Variants in GAS2L2 observed in about 807,000 individuals in gnomAD.
GAS2L2 encodes growth arrest specific 2 like 2.
Under a neutral mutation model 35.2 loss-of-function variants are expected in GAS2L2, and 21 were observed. That is an observed-to-expected ratio of 0.60 (90% CI 0.42 to 0.86). The LOEUF (loss-of-function observed/expected upper bound fraction) is 0.86. Among genes scored for constraint, GAS2L2 ranks in the 40% least tolerant of loss-of-function variants. The pLI, the probability that GAS2L2 is intolerant of heterozygous loss-of-function variation, is 0.00. For synonymous variants in GAS2L2, 490 were observed against 473.2 expected (o/e 1.04, Z -0.46); for missense variants, 1,169 against 1,144.4 (o/e 1.02, Z -0.31).
chr17:35,744,832 C>A lies in GAS2L2; in HGVS notation c.*22G>T. ...CATGGCCATCCTTTTTGCTTCCCTC[C>A]TACCCAACACGCTCATGTGCCTCAG... On this transcript the variant is annotated 3_prime_UTR_variant, in exon 6 of 6. Coordinates refer to ENST00000604641, the MANE Select transcript of GAS2L2 (RefSeq NM_139285.4). 6.5e-7 allele frequency: 1 copy of A among 1,533,442 alleles called. No homozygotes were observed. Among genetic ancestry groups the A allele is most frequent in the Non-Finnish European group, 8.8e-7 (1 of 1,133,402 alleles). The allele number at this position is 1,533,442 out of a possible 1,614,324, so 95.0% of individuals were successfully genotyped here. A position where few individuals can be genotyped will look rare whatever the true frequency, so the allele number is the denominator to read the frequency against.
chr17:35,747,526 G>A (rs1322385566), intron 4 of GAS2L2, among the ~76,000 whole-genome samples: 2 of 152,142 alleles, frequency 1.3e-5, no homozygotes, highest in Non-Finnish European at 2.9e-5. Context: ...TGGAGGCGTT[G>A]ATGGAGATTA....
At position 35,752,881 on chromosome 17, in the gene GAS2L2, A is replaced by G. The variant is rs1598397471; in HGVS notation, c.-31T>C. 2 of 1,536,674 alleles carry G rather than the reference A, an allele frequency of 1.3e-6. No individual in the cohort carries two copies. Among genetic ancestry groups the G allele is most frequent in the Admixed American group, 3.7e-5 (2 of 54,736 alleles). On this transcript the variant is annotated 5_prime_UTR_variant, in exon 1 of 6. Transcript: ENST00000604641. ...GACCCCAGCAGGGCAGGAGGTGGGC[A>G]CCTCCCCTCTCCCACTGCCGCCTCT...
In GAS2L2 at chr17:35,746,316, T is replaced by C. The variant is rs2085668148; in HGVS notation, c.1181A>G (p.Asp394Gly). 3 of 1,401,568 alleles carry C rather than the reference T, an allele frequency of 2.1e-6. No individual in the cohort carries two copies. The highest frequency in any genetic ancestry group is 2.8e-6 in the Non-Finnish European group (3 of 1,072,860). 86.8% of individuals were successfully genotyped at this position (1,401,568 alleles called of 1,614,324 possible). The change falls in exon 6 of 6, where the codon GAC (aspartate) becomes GGC (glycine). Residue 394 changes from aspartate (D) to glycine (G), a missense_variant. Coordinates refer to ENST00000604641, the MANE Select transcript of GAS2L2 (RefSeq NM_139285.4). ...CTTTCCTGACGAGGTACACTGTGGGTCTCGGCCTTTTTGGGTAGATGAGGA... is the reference window on the plus strand; with the variant it reads ...CTTTCCTGACGAGGTACACTGTGGGCCTCGGCCTTTTTGGGTAGATGAGGA... The part of the protein sequence containing the change: ...PQSSSTQKGR[D>G]PQCTSSGKRE...
intron 1 of GAS2L2, among the ~76,000 whole-genome samples, chr17:35,751,856 T>C (rs1555599816): frequency 9.3e-6 from 1 of 107,482 alleles, no homozygotes; most frequent in African/African-American, 3.4e-5. Flanking sequence ...CTCTTTTTTT[T>C]TTTTTTTTTT....
At chr17:35,752,417 C>T (rs1035602732) in intron 1 of GAS2L2, 49 bp downstream of exon 1, 3 of 1,515,296 alleles carry the variant, frequency 2.0e-6, no homozygotes, top group African/African-American at 2.8e-5. Context: ...AGGACCAATA[C>T]CCCCCAAGAT....
rs1555598656 is a variant in GAS2L2 at position 35,745,142 on chromosome 17, G to T, written c.2355C>A (p.Asp785Glu). 3.1e-6 allele frequency: 5 copies of T among 1,613,460 alleles called. No homozygotes were observed. Among genetic ancestry groups the T allele is most frequent in the Non-Finnish European group, 4.2e-6 (5 of 1,179,704 alleles). Reference protein sequence around the residue: ...KLRPRIRPRRDHRPEKQPSRI... With the variant: ...KLRPRIRPRREHRPEKQPSRI... Reference sequence around the variant, plus strand: ...GTGAAGGCTGCTTCTCAGGCCTGTGGTCTCTCCGGGGCCGAATCCTGGGTC... The same window carrying T: ...GTGAAGGCTGCTTCTCAGGCCTGTGTTCTCTCCGGGGCCGAATCCTGGGTC... The change falls in exon 6 of 6, where the codon GAC (aspartate) becomes GAA (glutamate). Residue 785 changes from aspartate (D) to glutamate (E), a missense_variant. Physicochemically the swap from Asp to Glu is conservative, Grantham distance 45. This residue lies in a region of GAS2L2 where 1,035 missense variants were observed against 976.5 expected (regional missense o/e 1.06). Coordinates refer to ENST00000604641, the MANE Select transcript of GAS2L2 (RefSeq NM_139285.4).
chr17:35,750,927 G>C (rs1483152060), intron 1 of GAS2L2, among the ~76,000 whole-genome samples: 1 of 152,188 alleles, frequency 6.6e-6, no homozygotes, highest in African/African-American at 2.4e-5. Context: ...GTGAAGATTG[G>C]ATATGCTCAT....
chr17:35,752,133 C>G (rs999650462), intron 1 of GAS2L2, among the ~76,000 whole-genome samples: 1 of 152,294 alleles, frequency 6.6e-6, no homozygotes, highest in Middle Eastern at 3.4e-3. Flanking sequence ...ACCCAGCCTT[C>G]TGCCTCTCTT....
rs782511543 is a variant in GAS2L2, at chr17:35,745,313, C to A, written c.2184G>T (p.Ser728=). The change falls in exon 6 of 6, where the codon TCG becomes TCT. Residue 728 remains serine (S), a synonymous_variant. Coordinates refer to ENST00000604641, the MANE Select transcript of GAS2L2 (RefSeq NM_139285.4). ...CCGGGCTGGCAGACACAGTAGAAGCCGAGCAGTCCTGCCCTCCCTGAGGTG... is the reference window on the plus strand; with the variant it reads ...CCGGGCTGGCAGACACAGTAGAAGCAGAGCAGTCCTGCCCTCCCTGAGGTG... The part of the protein sequence containing the change: ...KVPPQGGQDC[S]ASTVSASPEA... The A allele has an allele frequency of 1.2e-6, 2 of 1,612,050 alleles. No homozygotes were observed. Among genetic ancestry groups the A allele is most frequent in the Non-Finnish European group, 1.7e-6 (2 of 1,178,850 alleles).
At chr17:35,746,454 G>T (rs1273415993) in intron 5 of GAS2L2, 43 bp from the exon 6 acceptor site, 2 of 1,261,810 alleles carry the variant, frequency 1.6e-6, no homozygotes, top group Non-Finnish European at 2.1e-6. Flanking sequence ...GACTCATCAG[G>T]CCGGCAGGGT....
rs1568101910 is a variant in GAS2L2, at chr17:35,747,175, A to G, written c.926T>C (p.Met309Thr). The G allele has an allele frequency of 3.1e-6, 5 of 1,613,944 alleles. No homozygotes were observed. The Admixed American group carries it at 5.0e-5, about 16-fold the overall frequency. The change falls in exon 5 of 6, where the codon ATG (methionine) becomes ACG (threonine). Residue 309 changes from methionine (M) to threonine (T), a missense_variant. Met to Thr is a moderately conservative substitution (Grantham distance 81, BLOSUM62 -1). This residue lies in a region of GAS2L2 where 1,035 missense variants were observed against 976.5 expected (regional missense o/e 1.06). Transcript: ENST00000604641. ...QDGPSQTQPT[M>T]TISRSQSPPP... ...TGGGCTCTGTGAGCGGCTGATGGTC[A>G]TTGTAGGCTGGGTCTGTGAGGGTCC...
intron 1 of GAS2L2, among the ~76,000 whole-genome samples, chr17:35,751,845 TCTC>T (rs370991328): frequency 1.5e-5 from 2 of 130,986 alleles, no homozygotes; most frequent in African/African-American, 3.0e-5. Context: ...TCTCTCTCTC[TCTC>T]TTTTTTTTTT....
rs147920035 is a variant in GAS2L2, at chr17:35,747,938, C to T, written c.743G>A (p.Arg248Gln). The T allele has an allele frequency of 3.5e-5, 56 of 1,613,130 alleles. No homozygotes were observed. The highest frequency in any genetic ancestry group is 8.0e-5 in the African/African-American group (6 of 74,890). ...SNTLIFIRILRNHVMVRVGGG... is the reference protein window; with the variant it reads ...SNTLIFIRILQNHVMVRVGGG... ...CCCTACACGTACCATCACATGGTTC[C>T]GGAGGATCTGAGGGGGCAAGGGTGA... The change falls in exon 4 of 6, where the codon CGG becomes CAG. Residue 248 changes from arginine to glutamine, a missense_variant. Physicochemically the swap from Arg to Gln is conservative, Grantham distance 43 (BLOSUM62 1). Transcript: ENST00000604641.
chr17:35,746,478 C>G (rs1416651028), intron 5 of GAS2L2, 67 bp from the exon 6 acceptor site: 21 of 1,120,378 alleles, frequency 1.9e-5, no homozygotes, highest in Non-Finnish European at 2.5e-5. Context: ...CTAGTGTGGT[C>G]CCTGGCTTTG....
At position 35,745,834 on chromosome 17, in the gene GAS2L2, C is replaced by T; in HGVS notation, c.1663G>A (p.Val555Met). 6.2e-7 allele frequency: 1 copy of T among 1,613,902 alleles called. No individual in the cohort carries two copies. The highest frequency in any genetic ancestry group is 8.5e-7 in the Non-Finnish European group (1 of 1,180,034). ...TGCTGGTCCTCCTGCCTCACTTCCACAGAGCAGTCCCCATGCGTGGACCCA... is the reference window on the plus strand; with the variant it reads ...TGCTGGTCCTCCTGCCTCACTTCCATAGAGCAGTCCCCATGCGTGGACCCA... Reference protein sequence around the residue: ...LAGSTHGDCSVEVRQEDQQLD... With the variant: ...LAGSTHGDCSMEVRQEDQQLD... Residue 555 changes from valine (V) to methionine (M), a missense_variant, in exon 6 of 6, where the codon GTG (valine) becomes ATG (methionine). Around this residue, in one of 3 missense-constraint regions of GAS2L2, gnomAD observed 1,035 missense variants for 976.5 expected, o/e 1.06. Coordinates refer to ENST00000604641, the MANE Select transcript of GAS2L2 (RefSeq NM_139285.4).
At position 35,746,172 on chromosome 17, in the gene GAS2L2, G is replaced by T. The variant is rs144556689; in HGVS notation, c.1325C>A (p.Ala442Asp). 2.0e-6 allele frequency: 3 copies of T among 1,490,554 alleles called. No individual in the cohort carries two copies. Among genetic ancestry groups the T allele is most frequent in the Non-Finnish European group, 2.7e-6 (3 of 1,119,138 alleles). The allele number at this position is 1,490,554 out of a possible 1,614,324, so 92.3% of individuals were successfully genotyped here. Residue 442 changes from alanine (A) to aspartate (D), a missense_variant, in exon 6 of 6, where the codon GCC becomes GAC. By Grantham distance (126) the Ala-to-Asp change is moderately radical. Coordinates refer to ENST00000604641, the MANE Select transcript of GAS2L2 (RefSeq NM_139285.4). ...AGNPTPQRLR[A>D]IEATTKGISA... ...TATCCCTTTGGTGGTGGCCTCAATG[G>T]CTCGGAGTCTTTGTGGGGTGGGGTT...
In GAS2L2 at chr17:35,744,710, G is replaced by C. The variant is rs2085651695; in HGVS notation, c.*144C>G. ...GCCCCTTTGCTCAGATGAGCAGATG[G>C]AGTCTATATTTGTCTTCTGACCCAC... On this transcript the variant is annotated 3_prime_UTR_variant, in exon 6 of 6. Transcript: ENST00000604641. 1.7e-5 allele frequency: 11 copies of C among 658,936 alleles called. No individual in the cohort carries two copies. The highest frequency in any genetic ancestry group is 2.8e-5 in the Non-Finnish European group (11 of 387,592). 40.8% of individuals were successfully genotyped at this position (658,936 alleles called of 1,614,324 possible). A position where few individuals can be genotyped will look rare whatever the true frequency, so the allele number is the denominator to read the frequency against.
In GAS2L2 at chr17:35,745,545, T is replaced by C; in HGVS notation, c.1952A>G (p.Tyr651Cys). Residue 651 changes from tyrosine (Y) to cysteine (C), a missense_variant, in exon 6 of 6, where the codon TAT (tyrosine) becomes TGT (cysteine). Tyr to Cys is a radical substitution (Grantham distance 194). Around this residue, in one of 3 missense-constraint regions of GAS2L2, gnomAD observed 1,035 missense variants for 976.5 expected, o/e 1.06. Coordinates refer to ENST00000604641, the MANE Select transcript of GAS2L2 (RefSeq NM_139285.4). Reference protein sequence around the residue: ...AGQWPEPGGPYDKAIQELAQG... With the variant: ...AGQWPEPGGPCDKAIQELAQG... ...AGCCAGTTCTTGGATGGCTTTGTCA[T>C]AAGGACCCCCAGGCTCAGGCCACTG... 6.2e-7 allele frequency: 1 copy of C among 1,613,268 alleles called. No individual in the cohort carries two copies. The highest frequency in any genetic ancestry group is 8.5e-7 in the Non-Finnish European group (1 of 1,179,706).
rs782821067 is a variant in GAS2L2, at chr17:35,745,109, G to A, written c.2388C>T (p.Pro796=). ...HRPEKQPSRI[P]RPLAYVFLGP... ...CCAGGAAGACATAGGCCAGTGGCCT[G>A]GGGATTCGTGAAGGCTGCTTCTCAG... is the stretch of plus-strand genomic sequence containing the variant. Residue 796 remains proline, a synonymous_variant, in exon 6 of 6, where the codon CCC becomes CCT. Coordinates refer to ENST00000604641, the MANE Select transcript of GAS2L2 (RefSeq NM_139285.4). 6.2e-6 allele frequency: 10 copies of A among 1,613,404 alleles called. No homozygotes were observed. The Admixed American group carries it at 1.2e-4, about 19-fold the overall frequency.
Sources: gnomAD v4.1 joint callset for allele counts (sites outside exome capture counted in the v4.1 genomes callset) on GRCh38, gnomAD v4.1.1 for gene constraint, gnomAD v4.1.1 regional missense constraint, MANE v1.5 for transcripts, NCBI Gene and HGNC (gene_info 2026-07-23, HGNC 2026-07-21) for gene names.